The following CACNA1C variants were observed in gnomAD, a reference collection of about 807,000 sequenced individuals.
The protein encoded by CACNA1C is calcium voltage-gated channel subunit alpha1 C, also known as voltage-dependent L-type calcium channel subunit alpha-1C.
A neutral mutation model predicts 229.0 loss-of-function variants in CACNA1C; 30 were observed. That is an observed-to-expected ratio of 0.13 (90% CI 0.10 to 0.18). CACNA1C has a LOEUF of 0.18. Among genes scored for constraint, CACNA1C ranks in the 10% least tolerant of loss-of-function variants. The pLI, the probability that CACNA1C is intolerant of heterozygous loss-of-function variation, is 1.00. For synonymous variants in CACNA1C, 1,114 were observed against 1,132.5 expected, an observed-to-expected ratio of 0.98 and a Z score of 0.33; for missense variants, 1,658 against 2,845.0, an observed-to-expected ratio of 0.58 and a Z score of 9.49.
intron 3 of CACNA1C, among the ~76,000 whole-genome samples, chr12:2,141,928 C>T (rs1053009324): frequency 2.0e-5 from 3 of 151,244 alleles, no homozygotes; most frequent in East Asian, 1.9e-4. Flanking sequence ...TACCATAAAG[C>T]GGAAGCCGGG....
intron 32 of CACNA1C, among the ~76,000 whole-genome samples, chr12:2,652,152 G>C (rs1044020462): frequency 6.6e-6 from 1 of 152,180 alleles, no homozygotes; most frequent in African/African-American, 2.4e-5. Context: ...ATGGCCCTTC[G>C]AGTTCAGCAT....
intron 3 of CACNA1C, among the ~76,000 whole-genome samples, chr12:2,212,863 A>G (rs923200040): frequency 2.0e-5 from 3 of 152,216 alleles, no homozygotes; most frequent in African/African-American, 4.8e-5. Flanking sequence ...ACTGGACACC[A>G]TGCATTTTCT....
rs2096881187 is a variant in CACNA1C, at chr12:2,677,462, C to T, written c.4956+241C>T. 1.6e-6 allele frequency: 1 copy of T among 616,398 alleles called. No individual in the cohort carries two copies. Among genetic ancestry groups the T allele is most frequent in the African/African-American group, 1.8e-5 (1 of 54,364 alleles). The allele number at this position is 616,398 out of a possible 1,614,324, so 38.2% of individuals were successfully genotyped here. A position where few individuals can be genotyped will look rare whatever the true frequency, so the allele number is the denominator to read the frequency against. On this transcript the variant is annotated intron_variant, in intron 40 of 46. Coordinates refer to ENST00000399655, the MANE Select transcript of CACNA1C (RefSeq NM_000719.7). The surrounding 1 kb of genome is among the most constrained non-coding windows in gnomAD (Gnocchi z 7.4). ...CTGCTGTCATAGCCCCCAGATCTCT[C>T]AAATACTTCACTGAGGCTCCCGTGA...
rs537682641 is a variant in CACNA1C, at chr12:2,663,781, G to A, written c.4233-1044G>A. Reference sequence around the variant, plus strand: ...TTTTGAGACGGAGTCTCGCTCTGTCGCCCAGGCTGGAGTACAGTGGTGTGA... The same window carrying A: ...TTTTGAGACGGAGTCTCGCTCTGTCACCCAGGCTGGAGTACAGTGGTGTGA... On this transcript the variant is annotated intron_variant, in intron 34 of 46. Coordinates refer to ENST00000399655, the MANE Select transcript of CACNA1C (RefSeq NM_000719.7). 2.1e-4 allele frequency among the ~76,000 whole-genome samples: 28 copies of A among 136,018 alleles called. No individual in the cohort carries two copies. The East Asian group carries it at 4.6e-3, about 23-fold the overall frequency. The allele number at this position is 136,018 out of a possible 152,430, so 89.2% of individuals were successfully genotyped here.
At chr12:2,078,489 T>G (rs2064094626) in intron 1 of CACNA1C, among the ~76,000 whole-genome samples, 1 of 152,218 alleles carries the variant, frequency 6.6e-6, no homozygotes, top group Admixed American at 6.5e-5. Flanking sequence ...CACAGAAGGA[T>G]GAATACTGCA....
chr12:2,377,004 C>T (rs2154543755), intron 3 of CACNA1C, among the ~76,000 whole-genome samples: 1 of 152,268 alleles, frequency 6.6e-6, no homozygotes, highest in Non-Finnish European at 1.5e-5. Context: ...ACGTTCTGTG[C>T]TCTGCCGCCA....
At chr12:2,473,514 T>TA (rs2099603943) in intron 5 of CACNA1C, among the ~76,000 whole-genome samples, 1 of 152,252 alleles carries the variant, frequency 6.6e-6, no homozygotes, top group Admixed American at 6.5e-5. Flanking sequence ...ACTGAGGACT[T>TA]ATTGTGTATA....
chr12:2,207,395 A>G (rs934949006), intron 3 of CACNA1C, among the ~76,000 whole-genome samples: 11 of 152,248 alleles, frequency 7.2e-5, no homozygotes, highest in Non-Finnish European at 1.6e-4. Flanking sequence ...GTTCTACTAT[A>G]TAATAGACAT....
At chr12:2,191,739 C>G (rs1236763180) in intron 3 of CACNA1C, among the ~76,000 whole-genome samples, 3 of 151,488 alleles carry the variant, frequency 2.0e-5, no homozygotes, top group African/African-American at 7.3e-5. Context: ...TACACACAGG[C>G]ACACACATGC....
rs1283672205 is a variant in CACNA1C, at chr12:2,646,069, C to CA, written c.3913-2405dup. On this transcript the variant is annotated intron_variant, in intron 30 of 46. Coordinates refer to ENST00000399655, the MANE Select transcript of CACNA1C (RefSeq NM_000719.7). The surrounding 1 kb of genome is among the most constrained non-coding windows in gnomAD (Gnocchi z 4.6). ...TGCCATAGGAAATGTTAAATCAATA[C>CA]ATGTTACTAAAATACAAAATACTAT... Among the ~76,000 whole-genome samples the CA allele has an allele frequency of 6.6e-6, 1 of 152,184 alleles. No homozygotes were observed. The highest frequency in any genetic ancestry group is 2.4e-5 in the African/African-American group (1 of 41,440).
rs970305864 is a variant in CACNA1C at position 2,691,150 on chromosome 12, C to G, written c.6368C>G (p.Pro2123Arg). ...GGCTGTGTGCGCGCGCGGGGTCGACCGAGTGAGGAGGAGCTCCAGGACAGC... is the reference window on the plus strand; with the variant it reads ...GGCTGTGTGCGCGCGCGGGGTCGACGGAGTGAGGAGGAGCTCCAGGACAGC... ...DAGCVRARGR[P>R]SEEELQDSRV... The change falls in exon 47 of 47, where the codon CCG (proline) becomes CGG (arginine). Residue 2123 changes from proline (P) to arginine (R), a missense_variant. Pro to Arg is a moderately radical substitution (Grantham distance 103, BLOSUM62 -2). Around this residue, in one of 20 missense-constraint regions of CACNA1C, gnomAD observed 590 missense variants for 700.8 expected, o/e 0.84. Transcript: ENST00000399655. The G allele has an allele frequency of 2.5e-6, 4 of 1,605,772 alleles. No homozygotes were observed. In the African/African-American group the frequency reaches 5.4e-5, roughly 21 times the overall value.
intron 3 of CACNA1C, among the ~76,000 whole-genome samples, chr12:2,428,910 GTTAC>G (rs986192527): frequency 9.8e-5 from 15 of 152,286 alleles, no homozygotes; most frequent in African/African-American, 3.4e-4. Flanking sequence ...CCTTGTGTTA[GTTAC>G]TTAAGGTTGC....
At chr12:2,122,206 T>A (rs768467594) in intron 3 of CACNA1C, among the ~76,000 whole-genome samples, 14 of 152,220 alleles carry the variant, frequency 9.2e-5, no homozygotes, top group Middle Eastern at 3.4e-3. Context: ...TTTTATCACA[T>A]CACAGAGTGA....
intron 3 of CACNA1C, among the ~76,000 whole-genome samples, chr12:2,320,569 G>A (rs539536210): frequency 1.3e-5 from 2 of 152,234 alleles, no homozygotes; most frequent in Non-Finnish European, 2.9e-5. Context: ...GATACCGTAA[G>A]GGGCTGGGAG....
At chr12:2,461,924 G>A (rs560532264) in intron 5 of CACNA1C, among the ~76,000 whole-genome samples, 6 of 152,208 alleles carry the variant, frequency 3.9e-5, no homozygotes, top group East Asian at 3.9e-4. Context: ...GACCTAACAC[G>A]GCATTCAAAC....
rs764633015 is a variant in CACNA1C at position 2,633,744 on chromosome 12, T to A, written c.3829-553T>A. The A allele has an allele frequency of 7.6e-6, 8 of 1,054,882 alleles. No individual in the cohort carries two copies. The highest frequency in any genetic ancestry group is 6.3e-5 in the African/African-American group (4 of 63,938). 65.3% of individuals were successfully genotyped at this position (1,054,882 alleles called of 1,614,324 possible). Reference sequence around the variant, plus strand: ...ATTACTCTGCCCTCCCCAGGAAACCTCCTCATTCCTCCTCCTCTGCCTCGT... The same window carrying A: ...ATTACTCTGCCCTCCCCAGGAAACCACCTCATTCCTCCTCCTCTGCCTCGT... On this transcript the variant is annotated intron_variant, in intron 29 of 46. Coordinates refer to ENST00000399655, the MANE Select transcript of CACNA1C (RefSeq NM_000719.7). The surrounding 1 kb of genome is among the most constrained non-coding windows in gnomAD (Gnocchi z 5.8).
At chr12:2,563,168 A>C (rs571422215) in intron 11 of CACNA1C, among the ~76,000 whole-genome samples, 2 of 152,216 alleles carry the variant, frequency 1.3e-5, no homozygotes, top group African/African-American at 2.4e-5. Flanking sequence ...CACTTAATAT[A>C]ATGGCCTCCA....
chr12:2,450,502 C>T (rs951317179), intron 4 of CACNA1C, among the ~76,000 whole-genome samples: 4 of 123,602 alleles, frequency 3.2e-5, no homozygotes, highest in East Asian at 2.6e-4. Context: ...TACAGTGAGC[C>T]GAGATCATGC....
chr12:2,005,158 AAG>A (rs2043168109), intron 1 of CACNA1C, among the ~76,000 whole-genome samples: 1 of 150,488 alleles, frequency 6.6e-6, no homozygotes, highest in African/African-American at 2.5e-5. Context: ...AAAAAAAAAA[AAG>A]AAGAAGGTAG....
Sources: gnomAD v4.1 joint callset for allele counts (sites outside exome capture counted in the v4.1 genomes callset) on GRCh38, gnomAD v4.1.1 for gene constraint, gnomAD v4.1.1 regional missense constraint, Gnocchi (gnomAD v3.1) non-coding constraint, MANE v1.5 for transcripts, NCBI Gene and HGNC (gene_info 2026-07-23, HGNC 2026-07-21) for gene names.